Variants in ZNF668 observed in about 807,000 individuals in gnomAD.
ZNF668 encodes the protein zinc finger protein 668.
Under a neutral mutation model 40.3 loss-of-function variants are expected in ZNF668, and 10 were observed. The observed-to-expected ratio is 0.25, with a 90% CI of 0.15 to 0.42. The LOEUF (loss-of-function observed/expected upper bound fraction) is 0.42. ZNF668 is among the 10% of genes least tolerant of loss of function. The pLI, the probability that ZNF668 is intolerant of heterozygous loss-of-function variation, is 1.00. For synonymous variants in ZNF668, 428 were observed against 384.6 expected (o/e 1.11, Z -1.32); for missense variants, 749 against 904.6 (o/e 0.83, Z 2.21).
chr16:31,069,591 A>G (rs1310016595), intron 1 of ZNF668, among the ~76,000 whole-genome samples: 1 of 151,862 alleles, frequency 6.6e-6, no homozygotes, highest in Non-Finnish European at 1.5e-5. Flanking sequence ...TTAACCAACC[A>G]AGGAGCACTG....
chr16:31,070,562 CAG>C (rs1438391150), intron 1 of ZNF668, among the ~76,000 whole-genome samples: 15 of 150,630 alleles, frequency 1.0e-4, no homozygotes, highest in African/African-American at 3.7e-4. Flanking sequence ...ATTTTTGAGA[CAG>C]AGTTTCACTC....
At position 31,063,875 on chromosome 16, in the gene ZNF668, G is replaced by A. The variant is rs1206464416; in HGVS notation, c.585C>T (p.Pro195=). The stretch of plus-strand genomic sequence containing the variant: ...CTTTGCCGCAACGCTCACAGCTGTA[G>A]GGCCGCAGGCCAGCGTGAGTACGCC... ...KHRRTHAGLR[P]YSCERCGKAY... Residue 195 remains proline, a synonymous_variant, in exon 2 of 3, where the codon CCC becomes CCT. Transcript: ENST00000300849. The A allele has an allele frequency of 1.3e-6, 2 of 1,595,324 alleles. No homozygotes were observed. The highest frequency in any genetic ancestry group is 1.7e-6 in the Non-Finnish European group (2 of 1,171,172).
At chr16:31,065,205 T>A in intron 1 of ZNF668, 1 of 885,858 alleles carries the variant, frequency 1.1e-6, no homozygotes, top group Non-Finnish European at 1.4e-6. Context: ...GAGTCATAAC[T>A]GATGTATCTG....
Position 31,061,043 on chromosome 16 carries a change from G to A in ZNF668, c.*25C>T, listed in dbSNP as rs1178832630. On this transcript the variant is annotated 3_prime_UTR_variant, in exon 3 of 3. Coordinates refer to ENST00000300849, the MANE Select transcript of ZNF668 (RefSeq NM_024706.5). This position sits in a 1 kb window ranked among gnomAD's most constrained non-coding sequence, Gnocchi z 7.7. ...CCCCGATGGGGGCTGGGCTCCCGGA[G>A]TGTGGTGCTGGGGGGTCATGGGCTT... The A allele has an allele frequency of 8.9e-6, 13 of 1,459,388 alleles. No homozygotes were observed. The highest frequency in any genetic ancestry group is 1.2e-5 in the Non-Finnish European group (13 of 1,106,080). 90.4% of individuals were successfully genotyped at this position (1,459,388 alleles called of 1,614,324 possible).
intron 1 of ZNF668, chr16:31,066,486 G>T: frequency 3.7e-6 from 2 of 535,778 alleles, no homozygotes; most frequent in Non-Finnish European, 4.8e-6. Context: ...GAACCCAGGG[G>T]TTCGAGGCTG....
In ZNF668 at chr16:31,062,020, T is replaced by C; in HGVS notation, c.908A>G (p.Glu303Gly). 1 of 1,613,576 alleles carries C rather than the reference T, an allele frequency of 6.2e-7. No individual in the cohort carries two copies. Among genetic ancestry groups the C allele is most frequent in the Non-Finnish European group, 8.5e-7 (1 of 1,179,816 alleles). The change falls in exon 3 of 3, where the codon GAA becomes GGA. Residue 303 changes from glutamate (E) to glycine (G), a missense_variant. By Grantham distance (98) the Glu-to-Gly change is moderately conservative. Transcript: ENST00000300849. ...SSFRRHQRAH[E>G]GVKPYHCEKC... ...CTCGCAGTGGTATGGCTTCACCCCT[T>C]CATGGGCGCGCTGGTGGCGACGGAA...
intron 1 of ZNF668, chr16:31,066,440 C>G: frequency 1.1e-6 from 1 of 923,764 alleles, no homozygotes; most frequent in Non-Finnish European, 1.3e-6. Context: ...GCCTTAAGTC[C>G]CAGCTACGTG....
Position 31,062,025 on chromosome 16 carries a change from G to C in ZNF668, c.903C>G (p.Ala301=), listed in dbSNP as rs889321244. The C allele has an allele frequency of 6.2e-7, 1 of 1,613,788 alleles. No individual in the cohort carries two copies. The highest frequency in any genetic ancestry group is 2.2e-5 in the East Asian group (1 of 44,870). ...DPSSFRRHQR[A]HEGVKPYHCE... is the part of the protein sequence containing the mutation. Reference sequence around the variant, plus strand: ...AGTGGTATGGCTTCACCCCTTCATGGGCGCGCTGGTGGCGACGGAAGCTCG... The same window carrying C: ...AGTGGTATGGCTTCACCCCTTCATGCGCGCGCTGGTGGCGACGGAAGCTCG... The change falls in exon 3 of 3, where the codon GCC becomes GCG. Residue 301 remains alanine, a synonymous_variant. Coordinates refer to ENST00000300849, the MANE Select transcript of ZNF668 (RefSeq NM_024706.5).
Position 31,065,598 on chromosome 16 carries a change from A to C in ZNF668, c.-22-1117T>G, listed in dbSNP as rs1195057924. 3 of 152,438 alleles carry C rather than the reference A, an allele frequency of 2.0e-5. No individual in the cohort carries two copies. The East Asian group carries it at 5.8e-4, about 29-fold the overall frequency. 9.4% of individuals were successfully genotyped at this position (152,438 alleles called of 1,614,324 possible). ...GCTGGGCGTGGTGGCTCACGCCTGT[A>C]ATCCCAGCACTTTGGGAGGCCGAGG... On this transcript the variant is annotated intron_variant, in intron 1 of 2. Coordinates refer to ENST00000300849, the MANE Select transcript of ZNF668 (RefSeq NM_024706.5).
rs1035701971 is a variant in ZNF668, at chr16:31,074,002, A to T, written c.-366T>A. 1 of 152,234 alleles carries T rather than the reference A, an allele frequency of 6.6e-6. No individual in the cohort carries two copies. The highest frequency in any genetic ancestry group is 1.5e-5 in the Non-Finnish European group (1 of 68,060). The allele number at this position is 152,234 out of a possible 1,614,324, so 9.4% of individuals were successfully genotyped here. On this transcript the variant is annotated 5_prime_UTR_variant, in exon 1 of 3. Transcript: ENST00000300849. ...AGAACCAGAAGGTGGGAGGACAAAA[A>T]GGCCATGCTCAAGCTCTGCAAAACC...
chr16:31,072,948 G>A (rs1181556969), intron 1 of ZNF668: 1 of 152,304 alleles, frequency 6.6e-6, no homozygotes, highest in African/African-American at 2.4e-5. Context: ...GAGAGGTAAG[G>A]GCCCCACGCC....
chr16:31,063,458 G>A (rs2056951478), intron 2 of ZNF668, among the ~76,000 whole-genome samples: 1 of 127,888 alleles, frequency 7.8e-6, no homozygotes, highest in Admixed American at 7.8e-5. Context: ...TGTAGAGGCT[G>A]AGAAAAAGAA....
rs528021133 is a variant in ZNF668 at position 31,065,086 on chromosome 16, T to A, written c.-22-605A>T. ...TACGGGCCTCCGCCCCAGACTGGAATCTGTCCACTCTCTGCTCTGGAATCT... is the reference window on the plus strand; with the variant it reads ...TACGGGCCTCCGCCCCAGACTGGAAACTGTCCACTCTCTGCTCTGGAATCT... On this transcript the variant is annotated intron_variant, in intron 1 of 2. Coordinates refer to ENST00000300849, the MANE Select transcript of ZNF668 (RefSeq NM_024706.5). The A allele has an allele frequency of 3.3e-5, 34 of 1,029,030 alleles. No homozygotes were observed. In the African/African-American group the frequency reaches 5.5e-4, roughly 17 times the overall value. The allele number at this position is 1,029,030 out of a possible 1,614,324, so 63.7% of individuals were successfully genotyped here. A position where few individuals can be genotyped will look rare whatever the true frequency, so the allele number is the denominator to read the frequency against.
At position 31,064,353 on chromosome 16, in the gene ZNF668, C is replaced by G; in HGVS notation, c.107G>C (p.Arg36Thr). Residue 36 changes from arginine to threonine, a missense_variant, in exon 2 of 3, where the codon AGG becomes ACG. Coordinates refer to ENST00000300849, the MANE Select transcript of ZNF668 (RefSeq NM_024706.5). ...ATGTGTGGCAGCGTGGCGCGCTGCC[C>G]TGGGCGCGTTTGGAAATGTCTTGGT... ...SCTKTFPNAP[R>T]AARHAATHGP... The G allele has an allele frequency of 6.2e-7, 1 of 1,613,980 alleles. No homozygotes were observed. The highest frequency in any genetic ancestry group is 1.3e-5 in the African/African-American group (1 of 75,072).
intron 1 of ZNF668, among the ~76,000 whole-genome samples, chr16:31,068,217 C>CA (rs2056990647): frequency 1.5e-4 from 1 of 6,720 alleles, no homozygotes. Context: ...AACATCCCAC[C>CA]ATTAAAAAAA....
chr16:31,071,233 C>G (rs560356739), intron 1 of ZNF668, among the ~76,000 whole-genome samples: 177 of 152,238 alleles, frequency 1.2e-3, no homozygotes, highest in Non-Finnish European at 2.1e-3. Context: ...GTGGCTGCAT[C>G]TCAGCTCACT....
intron 1 of ZNF668, chr16:31,064,718 C>A: frequency 6.5e-7 from 1 of 1,532,614 alleles, no homozygotes; most frequent in Non-Finnish European, 8.7e-7. Flanking sequence ...ACAAAAGATT[C>A]ACCTACACGT....
chr16:31,064,728 TC>T (rs147304134), intron 1 of ZNF668: 30 of 1,521,152 alleles, frequency 2.0e-5, no homozygotes, highest in South Asian at 9.7e-5. Flanking sequence ...CACCTACACG[TC>T]CCCCCCCGCC....
At chr16:31,065,021 A>G (rs1160351099) in intron 1 of ZNF668, 8 of 1,130,690 alleles carry the variant, frequency 7.1e-6, no homozygotes, top group African/African-American at 1.6e-5. Context: ...GTCCTCAGAG[A>G]CAGCAACTGT....
Sources: gnomAD v4.1 joint callset for allele counts (sites outside exome capture counted in the v4.1 genomes callset) on GRCh38, gnomAD v4.1.1 for gene constraint, Gnocchi (gnomAD v3.1) non-coding constraint, MANE v1.5 for transcripts, NCBI Gene and HGNC (gene_info 2026-07-23, HGNC 2026-07-21) for gene names.